UBE4B: variants seen among roughly 807,000 people sequenced by gnomAD.
UBE4B encodes ubiquitination factor E4B.
In UBE4B, 27 loss-of-function variants were observed where a neutral mutation model predicts 148.1. That is an observed-to-expected ratio of 0.18 (90% CI 0.13 to 0.25). The LOEUF is 0.25. Among genes scored for constraint, UBE4B ranks in the 10% least tolerant of loss-of-function variants. The pLI is 1.00. For missense variants in UBE4B, 1,170 were observed against 1,662.4 expected (o/e 0.70, Z 5.15); for synonymous variants, 596 against 619.3 (o/e 0.96, Z 0.56).
chr1:10,158,413 A>G lies in UBE4B; in HGVS notation c.2984A>G (p.His995Arg). ...TATGACAAGTTCACAATTCGCTATC[A>G]TATTAGCACCATTTTTAAAAGCCTT... is the stretch of plus-strand genomic sequence containing the variant. ...EFYDKFTIRY[H>R]ISTIFKSLWQ... The change falls in exon 22 of 28, where the codon CAT becomes CGT. Residue 995 changes from histidine (H) to arginine (R), a missense_variant. Coordinates refer to ENST00000343090, the MANE Select transcript of UBE4B (RefSeq NM_001105562.3). 1 of 1,614,188 alleles carries G rather than the reference A, an allele frequency of 6.2e-7. No homozygotes were observed. The highest frequency in any genetic ancestry group is 8.5e-7 in the Non-Finnish European group (1 of 1,180,016).
intron 11 of UBE4B, chr1:10,129,151 A>G (rs1570943233): frequency 2.3e-6 from 1 of 435,720 alleles, no homozygotes; most frequent in African/African-American, 1.9e-5. Context: ...CTTTGAGGGT[A>G]AAGCTTGAGT....
chr1:10,113,147 C>T (rs1645248927), intron 7 of UBE4B, among the ~76,000 whole-genome samples: 1 of 152,146 alleles, frequency 6.6e-6, no homozygotes, highest in Non-Finnish European at 1.5e-5. Context: ...AGAAAGCTTC[C>T]AGTCATGGCA....
intron 21 of UBE4B, among the ~76,000 whole-genome samples, chr1:10,157,012 A>G (rs958436895): frequency 6.6e-6 from 1 of 151,936 alleles, no homozygotes; most frequent in East Asian, 1.9e-4. Context: ...TAAAAAAATT[A>G]AAAGTGAAAA....
chr1:10,170,091 AGCCTGT>A (rs967722243), intron 24 of UBE4B, among the ~76,000 whole-genome samples: 7 of 152,188 alleles, frequency 4.6e-5, no homozygotes, highest in Admixed American at 3.9e-4. Flanking sequence ...TTTTGGCCCC[AGCCTGT>A]GCCTGTGCCT....
chr1:10,060,012 G>A (rs1644254428), intron 1 of UBE4B, among the ~76,000 whole-genome samples: 1 of 152,070 alleles, frequency 6.6e-6, no homozygotes, highest in Non-Finnish European at 1.5e-5. Context: ...TGACCAATGA[G>A]GAGAAGCAAG....
At chr1:10,084,375 G>A (rs901947820) in intron 2 of UBE4B, among the ~76,000 whole-genome samples, 1 of 151,964 alleles carries the variant, frequency 6.6e-6, no homozygotes, top group Non-Finnish European at 1.5e-5. Context: ...GTATCATCAT[G>A]TTCCACCCTC....
chr1:10,120,839 AAATAAT>A (rs1448076163), intron 9 of UBE4B, among the ~76,000 whole-genome samples: 1 of 152,164 alleles, frequency 6.6e-6, no homozygotes, highest in Non-Finnish European at 1.5e-5. Flanking sequence ...CTGTCTCAAA[AAATAAT>A]AATAATACTA....
intron 10 of UBE4B, among the ~76,000 whole-genome samples, chr1:10,123,022 G>A (rs918191693): frequency 6.6e-6 from 1 of 152,178 alleles, no homozygotes; most frequent in Non-Finnish European, 1.5e-5. Flanking sequence ...TGTGTATTCT[G>A]TCTGGAATTC....
At chr1:10,082,090 T>C (rs1644691794) in intron 2 of UBE4B, among the ~76,000 whole-genome samples, 1 of 152,214 alleles carries the variant, frequency 6.6e-6, no homozygotes, top group Non-Finnish European at 1.5e-5. Context: ...GTTACATTGA[T>C]TTATTGAATG....
At chr1:10,173,750 G>A (rs967057886) in intron 25 of UBE4B, among the ~76,000 whole-genome samples, 6 of 152,144 alleles carry the variant, frequency 3.9e-5, no homozygotes, top group African/African-American at 1.2e-4. Context: ...TTTAGTGTGC[G>A]CCCTCTCCAG....
intron 26 of UBE4B, chr1:10,179,057 G>C (rs1042309221): frequency 2.0e-6 from 1 of 490,382 alleles, no homozygotes. Context: ...TCTAAGGGCA[G>C]GGCTGCCTTT....
At position 10,130,485 on chromosome 1, in the gene UBE4B, C is replaced by G. The variant is rs1286212154; in HGVS notation, c.1696-15C>G. On this transcript the variant is annotated splice_polypyrimidine_tract_variant and intron_variant, in intron 12 of 27. Coordinates refer to ENST00000343090, the MANE Select transcript of UBE4B (RefSeq NM_001105562.3). ...CTGTTCAGCGGCTTGACTGGCTCTT[C>G]CATCTTCTGCCTAGGTTGCTTCTTT... 2 of 1,611,964 alleles carry G rather than the reference C, an allele frequency of 1.2e-6. No homozygotes were observed. The highest frequency in any genetic ancestry group is 1.3e-5 in the African/African-American group (1 of 74,986).
chr1:10,134,231 C>A (rs145489974), intron 15 of UBE4B, among the ~76,000 whole-genome samples: 1 of 152,174 alleles, frequency 6.6e-6, no homozygotes, highest in African/African-American at 2.4e-5. Flanking sequence ...TATAAAATGG[C>A]CAAGCGTGGT....
chr1:10,119,458 C>G lies in UBE4B; in HGVS notation c.1339-55C>G, dbSNP rs925046693. 8.4e-6 allele frequency: 13 copies of G among 1,555,290 alleles called. No homozygotes were observed. The African/African-American group carries it at 1.2e-4, about 15-fold the overall frequency. Reference sequence around the variant, plus strand: ...CCCTTTTAACTCTTATTTTTAACAGCATGGAATTGTATTGTTTGTTTCTTG... The same window carrying G: ...CCCTTTTAACTCTTATTTTTAACAGGATGGAATTGTATTGTTTGTTTCTTG... On this transcript the variant is annotated intron_variant, in intron 8 of 27. Coordinates refer to ENST00000343090, the MANE Select transcript of UBE4B (RefSeq NM_001105562.3).
chr1:10,078,102 C>T (rs1001470884), intron 2 of UBE4B, among the ~76,000 whole-genome samples: 4 of 152,036 alleles, frequency 2.6e-5, no homozygotes, highest in Non-Finnish European at 2.9e-5. Flanking sequence ...CTCCGTCACC[C>T]GGGTTCAAGT....
Position 10,149,164 on chromosome 1 carries a change from C to G in UBE4B, c.2592-20C>G, listed in dbSNP as rs1266506797. The G allele has an allele frequency of 3.9e-6, 6 of 1,528,512 alleles. No homozygotes were observed. The Admixed American group carries it at 6.5e-5, about 17-fold the overall frequency. The allele number at this position is 1,528,512 out of a possible 1,614,324, so 94.7% of individuals were successfully genotyped here. A position where few individuals can be genotyped will look rare whatever the true frequency, so the allele number is the denominator to read the frequency against. ...ACCATAATTTCATTTAATAAATTGT[C>G]CTTTTTTTCTCTTTGACAGTATAAC... On this transcript the variant is annotated intron_variant, in intron 19 of 27. Coordinates refer to ENST00000343090, the MANE Select transcript of UBE4B (RefSeq NM_001105562.3).
At chr1:10,034,713 C>T (rs1005152273) in intron 1 of UBE4B, among the ~76,000 whole-genome samples, 1 of 152,138 alleles carries the variant, frequency 6.6e-6, no homozygotes, top group African/African-American at 2.4e-5. Context: ...CTTCCATGCT[C>T]CAGTTTTAGC....
chr1:10,050,759 T>C (rs1209218829), intron 1 of UBE4B, among the ~76,000 whole-genome samples: 1 of 151,592 alleles, frequency 6.6e-6, no homozygotes, highest in Non-Finnish European at 1.5e-5. Context: ...AGTTTCACTA[T>C]GTTGCCATGT....
At chr1:10,150,617 T>G (rs1157837233) in intron 20 of UBE4B, among the ~76,000 whole-genome samples, 1 of 152,156 alleles carries the variant, frequency 6.6e-6, no homozygotes, top group Non-Finnish European at 1.5e-5. Flanking sequence ...ATCCCAGCAC[T>G]TTGGGAGGCC....
Sources: allele counts gnomAD v4.1 joint callset (sites outside exome capture counted in the v4.1 genomes callset), GRCh38; gene constraint gnomAD v4.1.1; transcripts MANE v1.5; gene names NCBI Gene and HGNC (gene_info 2026-07-23, HGNC 2026-07-21).